Variants in TSPAN11 observed in about 807,000 individuals in gnomAD.
TSPAN11 encodes tetraspanin 11.
A neutral mutation model predicts 32.9 loss-of-function variants in TSPAN11; 29 were observed. The ratio of observed to expected loss-of-function variants is 0.88; its 90% confidence interval spans 0.66 to 1.20. The LOEUF is 1.20. Among genes scored for constraint, TSPAN11 ranks in the 50% most tolerant of loss-of-function variants. The pLI is 0.00. For synonymous variants in TSPAN11, 140 were observed against 141.3 expected, an observed-to-expected ratio of 0.99 and a Z score of 0.07; for missense variants, 283 against 329.1, an observed-to-expected ratio of 0.86 and a Z score of 1.08.
chr12:30,951,059 A>G (rs542767212), intron 1 of TSPAN11, among the ~76,000 whole-genome samples: 7 of 152,346 alleles, frequency 4.6e-5, no homozygotes, highest in Admixed American at 3.9e-4. Context: ...TCAATAGCCA[A>G]TAGAACATGT....
chr12:30,984,052 G>C (rs758395348), intron 7 of TSPAN11, among the ~76,000 whole-genome samples: 2 of 152,156 alleles, frequency 1.3e-5, no homozygotes, highest in African/African-American at 4.8e-5. Context: ...TCTAGTCAAG[G>C]GTCCGAAGGA....
intron 1 of TSPAN11, among the ~76,000 whole-genome samples, chr12:30,930,045 C>T (rs957780008): frequency 2.0e-5 from 3 of 152,068 alleles, no homozygotes; most frequent in African/African-American, 7.3e-5. Flanking sequence ...AGAGAAGGGT[C>T]GGGAGTAGAG....
rs770578650 is a variant in TSPAN11, at chr12:30,982,637, G to A, written c.562G>A (p.Val188Met). The A allele has an allele frequency of 3.1e-6, 5 of 1,611,324 alleles. No individual in the cohort carries two copies. The highest frequency in any genetic ancestry group is 4.2e-6 in the Non-Finnish European group (5 of 1,179,002). ...GGTGCCCGACAGCTGCTGCAAGACA[G>A]TGGTGGTGCGCTGCGGCCAGCGGGC... ...RQVPDSCCKTVVVRCGQRAHP... is the reference protein window; with the variant it reads ...RQVPDSCCKTMVVRCGQRAHP... Residue 188 changes from valine (V) to methionine (M), a missense_variant, in exon 6 of 8, where the codon GTG becomes ATG. Transcript: ENST00000546076.
At chr12:30,998,975 A>G (rs1939451823), downstream of TSPAN11, 2 of 152,214 alleles carry the variant, frequency 1.3e-5, no homozygotes, top group African/African-American at 2.4e-5. Flanking sequence ...GATGCTCCTC[A>G]ACATATGATG....
At chr12:31,009,148 G>A in the TSPAN11 span, among the ~76,000 whole-genome samples, 1 of 152,220 alleles carries the variant, frequency 6.6e-6, no homozygotes, top group South Asian at 2.1e-4. Context: ...CTTGGTTCTC[G>A]CAAATGCGCC....
In TSPAN11 at chr12:30,964,913, G is replaced by A. The variant is rs148631516; in HGVS notation, c.276+896G>A. Among the ~76,000 whole-genome samples, 1,286 of 152,278 alleles carry A rather than the reference G, an allele frequency of 8.4e-3. 7 individuals carry two copies. The highest frequency in any genetic ancestry group is 0.027 in the Middle Eastern group (8 of 294). The stretch of plus-strand genomic sequence containing the variant: ...CTAAAGTGAAGGCCCCCAGAGTTTG[G>A]GTTTTGAGCTCTTTTTCAGCAGGTG... On this transcript the variant is annotated intron_variant, in intron 3 of 7. Transcript: ENST00000546076.
At position 30,954,051 on chromosome 12, in the gene TSPAN11, C is replaced by A. The variant is rs1938434591; in HGVS notation, c.60C>A (p.Leu20=). 6.2e-7 allele frequency: 1 copy of A among 1,613,584 alleles called. No homozygotes were observed. The highest frequency in any genetic ancestry group is 1.3e-5 in the African/African-American group (1 of 74,898). The change falls in exon 2 of 8, where the codon CTC becomes CTA. Residue 20 remains leucine, a synonymous_variant. Coordinates refer to ENST00000546076, the MANE Select transcript of TSPAN11 (RefSeq NM_001370302.1). ...TGATCATCTACTTGAAGTATTTACT[C>A]TTTGTCTTCAACTTCTTCTTCTGGG... ...DWLIIYLKYL[L]FVFNFFFWVG...
At chr12:30,935,540 T>A (rs1157571336) in intron 1 of TSPAN11, among the ~76,000 whole-genome samples, 3 of 152,070 alleles carry the variant, frequency 2.0e-5, no homozygotes, top group African/African-American at 4.8e-5. Context: ...CCCACCAACA[T>A]GCCCGGCTAG....
intron 3 of TSPAN11, among the ~76,000 whole-genome samples, chr12:30,966,122 CACA>C (rs1938727704): frequency 6.6e-6 from 1 of 151,652 alleles, no homozygotes; most frequent in African/African-American, 2.4e-5. Context: ...ATTCACTGCA[CACA>C]ACAACAGGAG....
chr12:30,969,290 T>C (rs1451307420), intron 3 of TSPAN11, among the ~76,000 whole-genome samples: 5 of 152,182 alleles, frequency 3.3e-5, no homozygotes, highest in Non-Finnish European at 7.3e-5. Flanking sequence ...GTTTCTTACC[T>C]ACACATTCTG....
intron 1 of TSPAN11, among the ~76,000 whole-genome samples, chr12:30,951,934 TTC>T (rs370327682): frequency 8.5e-5 from 13 of 152,360 alleles, no homozygotes; most frequent in African/African-American, 3.1e-4. Flanking sequence ...TCCTCATTCT[TTC>T]TGCAGAAGAT....
chr12:30,977,067 A>ACCTCCT (rs1938988808), intron 3 of TSPAN11, among the ~76,000 whole-genome samples: 1 of 152,162 alleles, frequency 6.6e-6, no homozygotes, highest in Non-Finnish European at 1.5e-5. Flanking sequence ...GACACAGTAA[A>ACCTCCT]ATTGCAATGA....
downstream of TSPAN11, chr12:30,997,629 A>T (rs1939435488): frequency 6.6e-6 from 1 of 151,994 alleles, no homozygotes; most frequent in Non-Finnish European, 1.5e-5. Context: ...TGATCCAATC[A>T]CCTCCCACCA....
At chr12:30,997,637 C>T (rs1361403514), downstream of TSPAN11, 1 of 152,278 alleles carries the variant, frequency 6.6e-6, no homozygotes, top group Non-Finnish European at 1.5e-5. Flanking sequence ...TCACCTCCCA[C>T]CAGGCCCCTC....
chr12:31,000,725 C>A (rs766959842), downstream of TSPAN11, among the ~76,000 whole-genome samples: 1 of 152,118 alleles, frequency 6.6e-6, no homozygotes, highest in Admixed American at 6.6e-5. Context: ...GGAGGAACCT[C>A]GATAATGTTT....
At chr12:30,931,284 C>T (rs938809736) in intron 1 of TSPAN11, among the ~76,000 whole-genome samples, 3 of 152,074 alleles carry the variant, frequency 2.0e-5, no homozygotes, top group Middle Eastern at 3.2e-3. Flanking sequence ...CTGCTTGATA[C>T]ATATCAGTTG....
intron 2 of TSPAN11, chr12:30,954,522 T>C (rs1028811112): frequency 2.2e-5 from 4 of 180,390 alleles, no homozygotes; most frequent in African/African-American, 9.6e-5. Flanking sequence ...CTCCAACTAC[T>C]GCTGCCTGTG....
chr12:30,952,634 G>A lies in TSPAN11; in HGVS notation c.-11-1347G>A, dbSNP rs78194208. ...GTGGCTCAGAGGAAATAATTGGGGC[G>A]TGGTCACGCACCAGCCCAGGAGGCA... On this transcript the variant is annotated intron_variant, in intron 1 of 7. Coordinates refer to ENST00000546076, the MANE Select transcript of TSPAN11 (RefSeq NM_001370302.1). 3.6e-4 allele frequency among the ~76,000 whole-genome samples: 55 copies of A among 152,226 alleles called. No homozygotes were observed. In the East Asian group the frequency reaches 7.7e-3, roughly 21 times the overall value.
intron 5 of TSPAN11, 29 bp from the exon 6 acceptor site, chr12:30,982,503 C>T (rs1450237167): frequency 1.3e-6 from 2 of 1,592,266 alleles, no homozygotes. Context: ...CCTCTCACCT[C>T]CAGCCTCTGC....
Sources: allele counts gnomAD v4.1 joint callset (sites outside exome capture counted in the v4.1 genomes callset), GRCh38; gene constraint gnomAD v4.1.1; transcripts MANE v1.5; gene names NCBI Gene and HGNC (gene_info 2026-07-23, HGNC 2026-07-21).